ACOXL: variants seen among roughly 807,000 people sequenced by gnomAD.
ACOXL encodes acyl-CoA oxidase like.
In ACOXL, 70 loss-of-function variants were observed where a neutral mutation model predicts 71.9. The observed-to-expected ratio is 0.97, with a 90% CI of 0.80 to 1.19. The LOEUF (loss-of-function observed/expected upper bound fraction) is 1.19. ACOXL is among the 50% of genes most tolerant of loss of function. The probability of loss-of-function intolerance (pLI) is 0.00; values close to 1 mark genes in which losing one functional copy is unlikely to be tolerated. For synonymous variants in ACOXL, 253 were observed against 281.6 expected (o/e 0.90, Z 1.02); for missense variants, 703 against 736.3 (o/e 0.95, Z 0.52).
chr2:111,006,590 G>A (rs1377908098), intron 14 of ACOXL, among the ~76,000 whole-genome samples: 3 of 149,962 alleles, frequency 2.0e-5, no homozygotes, highest in African/African-American at 4.9e-5. Context: ...ATGAAGTCTC[G>A]CTCTGTCACC....
Position 111,078,674 on chromosome 2 carries a change from A to T in ACOXL, c.1441-14191A>T, listed in dbSNP as rs377551067. 7.2e-5 allele frequency among the ~76,000 whole-genome samples: 11 copies of T among 152,368 alleles called. No homozygotes were observed. The East Asian group carries it at 2.1e-3, about 29-fold the overall frequency. On this transcript the variant is annotated intron_variant, in intron 16 of 17. Transcript: ENST00000439055. ...ATGGCTACTTTAAAGCTTTTGCCAGATAATTCTAACATCTGTGTCATTTTG... is the reference window on the plus strand; with the variant it reads ...ATGGCTACTTTAAAGCTTTTGCCAGTTAATTCTAACATCTGTGTCATTTTG...
At chr2:110,747,360 C>T (rs1678357821) in intron 1 of ACOXL, among the ~76,000 whole-genome samples, 1 of 152,288 alleles carries the variant, frequency 6.6e-6, no homozygotes, top group South Asian at 2.1e-4. Flanking sequence ...CCAGCAGACT[C>T]AGCCATCCCA....
intron 10 of ACOXL, among the ~76,000 whole-genome samples, chr2:110,862,605 A>G (rs932234509): frequency 1.3e-5 from 2 of 152,254 alleles, no homozygotes; most frequent in Non-Finnish European, 2.9e-5. Flanking sequence ...GTAGAAGGTC[A>G]TTTGCATGTG....
At chr2:111,068,917 T>C (rs1006845316) in intron 16 of ACOXL, among the ~76,000 whole-genome samples, 1 of 152,160 alleles carries the variant, frequency 6.6e-6, no homozygotes, top group Non-Finnish European at 1.5e-5. Context: ...TACATACGTG[T>C]ATAAATGGCT....
chr2:111,032,133 G>A (rs3827543), intron 15 of ACOXL, among the ~76,000 whole-genome samples: 84,449 of 151,988 alleles, frequency 0.56, 23,596 homozygotes, highest in South Asian at 0.65. Context: ...AATTTTAAGT[G>A]CCAGAATTAC....
Position 111,117,987 on chromosome 2 carries a change from T to G in ACOXL, c.*171T>G. On this transcript the variant is annotated 3_prime_UTR_variant, in exon 18 of 18. Transcript: ENST00000439055. ...GAGGCTGGCGAGGTGCGCGGCTGGC[T>G]GCTAGGAAAGAGATCCAGACGGTCG... 1.3e-6 allele frequency: 1 copy of G among 777,446 alleles called. No homozygotes were observed. The highest frequency in any genetic ancestry group is 2.0e-6 in the Non-Finnish European group (1 of 499,006). 48.2% of individuals were successfully genotyped at this position (777,446 alleles called of 1,614,324 possible).
chr2:110,963,493 T>C lies in ACOXL; in HGVS notation c.1060-23615T>C, dbSNP rs1047104990. On this transcript the variant is annotated intron_variant, in intron 12 of 17. Transcript: ENST00000439055. ...GAGAAATATGATTGTTTACCTCTTTTCAATTTTCTGTATATTTTTTAATTT... is the reference window on the plus strand; with the variant it reads ...GAGAAATATGATTGTTTACCTCTTTCCAATTTTCTGTATATTTTTTAATTT... 6.2e-6 allele frequency: 8 copies of C among 1,296,762 alleles called. No homozygotes were observed. The South Asian group carries it at 1.6e-4, about 26-fold the overall frequency. The allele number at this position is 1,296,762 out of a possible 1,614,324, so 80.3% of individuals were successfully genotyped here. A position where few individuals can be genotyped will look rare whatever the true frequency, so the allele number is the denominator to read the frequency against.
Position 111,092,881 on chromosome 2 carries a change from G to A in ACOXL, c.1457G>A (p.Gly486Glu), listed in dbSNP as rs940771663. The change falls in exon 17 of 18, where the codon GGA (glycine) becomes GAA (glutamate). Residue 486 changes from glycine to glutamate, a missense_variant. Physicochemically the swap from Gly to Glu is moderately conservative, Grantham distance 98. Transcript: ENST00000439055. ...ACCCCTTAGTTTTGTCTGTTGTATG[G>A]AACCAAGCTGGTGTTTCAGGAGCGG... ...TLLMKFCLLY[G>E]TKLVFQERAW... 1 of 1,613,670 alleles carries A rather than the reference G, an allele frequency of 6.2e-7. No homozygotes were observed. Among genetic ancestry groups the A allele is most frequent in the African/African-American group, 1.3e-5 (1 of 74,818 alleles).
rs749009746 is a variant in ACOXL at position 110,963,611 on chromosome 2, CTT to C, written c.1060-23495_1060-23494del. The C allele has an allele frequency of 8.7e-6, 14 of 1,610,008 alleles. No homozygotes were observed. In the Admixed American group the frequency reaches 1.3e-4, roughly 15 times the overall value. On this transcript the variant is annotated intron_variant, in intron 12 of 17. Coordinates refer to ENST00000439055, the MANE Select transcript of ACOXL (RefSeq NM_001142807.4). Reference sequence around the variant, plus strand: ...TGTGTGTGTGTGTGTGTGTTTTTCTCTTTCTGCAACAGGGTTACATGATGGAA... The same window carrying C: ...TGTGTGTGTGTGTGTGTGTTTTTCTCTCTGCAACAGGGTTACATGATGGAA...
intron 10 of ACOXL, among the ~76,000 whole-genome samples, chr2:110,853,787 A>G (rs1231141101): frequency 2.6e-5 from 4 of 152,184 alleles, no homozygotes; most frequent in Non-Finnish European, 5.9e-5. Context: ...TTGATAATCT[A>G]CAAAGTGCAA....
At chr2:111,020,452 A>G (rs1342348252) in intron 14 of ACOXL, among the ~76,000 whole-genome samples, 2 of 152,072 alleles carry the variant, frequency 1.3e-5, no homozygotes, top group African/African-American at 4.8e-5. Context: ...CATTCTTGAA[A>G]CCAGGAGGAG....
chr2:111,004,553 G>A (rs541325973), intron 14 of ACOXL, among the ~76,000 whole-genome samples: 1 of 152,244 alleles, frequency 6.6e-6, no homozygotes, highest in East Asian at 1.9e-4. Flanking sequence ...AAGGAGTCCA[G>A]CCCCCTTGCT....
chr2:110,975,398 A>G (rs1359367181), intron 12 of ACOXL, among the ~76,000 whole-genome samples: 2 of 137,508 alleles, frequency 1.5e-5, no homozygotes, highest in African/African-American at 5.7e-5. Flanking sequence ...TTTACCGTCT[A>G]TGCATATGTT....
chr2:111,023,794 A>C (rs1023973568), intron 14 of ACOXL, among the ~76,000 whole-genome samples: 3 of 152,098 alleles, frequency 2.0e-5, no homozygotes, highest in Non-Finnish European at 4.4e-5. Flanking sequence ...TGGGGAAGCC[A>C]CCACAGGGGC....
intron 9 of ACOXL, among the ~76,000 whole-genome samples, chr2:110,832,478 CAGTGAGCCGAGATT>C (rs1266893377): frequency 6.9e-6 from 1 of 145,074 alleles, no homozygotes; most frequent in Non-Finnish European, 1.5e-5. Context: ...GCGGAGCTTG[CAGTGAGCCGAGATT>C]GCGCCACTGC....
chr2:110,914,683 T>C (rs2059773170), intron 11 of ACOXL, among the ~76,000 whole-genome samples: 1 of 152,238 alleles, frequency 6.6e-6, no homozygotes, highest in Admixed American at 6.5e-5. Flanking sequence ...TTTTGCCTTA[T>C]TACACTGGAC....
At chr2:110,935,197 T>C (rs1423744701) in intron 12 of ACOXL, among the ~76,000 whole-genome samples, 1 of 152,028 alleles carries the variant, frequency 6.6e-6, no homozygotes, top group East Asian at 1.9e-4. Context: ...GCTCAGACAC[T>C]GTGGCCTTGA....
intron 13 of ACOXL, among the ~76,000 whole-genome samples, chr2:110,989,139 A>G (rs2063066619): frequency 2.0e-5 from 3 of 152,110 alleles, no homozygotes; most frequent in Admixed American, 2.0e-4. Context: ...TTTACATTTA[A>G]TTATTGAATC....
At chr2:110,897,789 A>G (rs1337987988) in intron 10 of ACOXL, among the ~76,000 whole-genome samples, 1 of 152,196 alleles carries the variant, frequency 6.6e-6, no homozygotes, top group African/African-American at 2.4e-5. Context: ...AATAGAGAAT[A>G]TCAGTGAACA....
Sources: allele counts gnomAD v4.1 joint callset (sites outside exome capture counted in the v4.1 genomes callset), GRCh38; gene constraint gnomAD v4.1.1; transcripts MANE v1.5; gene names NCBI Gene and HGNC (gene_info 2026-07-23, HGNC 2026-07-21).